Variants in MAF observed in about 807,000 individuals in gnomAD.
MAF encodes MAF bZIP transcription factor.
MAF carries 10 observed loss-of-function variants against 22.0 expected under a neutral mutation model. The observed-to-expected ratio is 0.45, with a 90% CI of 0.28 to 0.77. The LOEUF (loss-of-function observed/expected upper bound fraction) is 0.77. Ranked by LOEUF, MAF falls within the 30% of genes least tolerant of loss-of-function variation. MAF has a pLI of 0.12. For missense variants in MAF, 544 were observed against 548.4 expected (o/e 0.99, Z 0.08); for synonymous variants, 337 against 255.8 (o/e 1.32, Z -3.03).
chr16:79,426,239 G>A, the MAF span, among the ~76,000 whole-genome samples: 2 of 151,944 alleles, frequency 1.3e-5, no homozygotes, highest in Non-Finnish European at 1.5e-5. Flanking sequence ...TCTTCACTGA[G>A]GTGGAAAATA....
At chr16:79,374,133 G>T in the MAF span, among the ~76,000 whole-genome samples, 2 of 152,170 alleles carry the variant, frequency 1.3e-5, no homozygotes, top group Non-Finnish European at 2.9e-5. Context: ...AAGGTACCCT[G>T]GGGTCTTTGA....
chr16:79,252,034 GA>G, the MAF span, among the ~76,000 whole-genome samples: 1 of 152,228 alleles, frequency 6.6e-6, no homozygotes, highest in Non-Finnish European at 1.5e-5. Flanking sequence ...GCATCCTTTG[GA>G]AACCCACTGG....
chr16:79,537,464 T>C, the MAF span, among the ~76,000 whole-genome samples: 2 of 152,136 alleles, frequency 1.3e-5, no homozygotes, highest in African/African-American at 4.8e-5. Flanking sequence ...GGCATTAAGG[T>C]TGAGTGACCC....
At chr16:79,336,448 A>G in the MAF span, among the ~76,000 whole-genome samples, 1 of 152,150 alleles carries the variant, frequency 6.6e-6, no homozygotes, top group South Asian at 2.1e-4. Flanking sequence ...TAATTATTCT[A>G]TTAGCTTCTT....
chr16:79,380,954 G>C, the MAF span, among the ~76,000 whole-genome samples: 1 of 152,242 alleles, frequency 6.6e-6, no homozygotes, highest in Non-Finnish European at 1.5e-5. Context: ...GTGATAGGAA[G>C]TATCTGGGAA....
the MAF span, among the ~76,000 whole-genome samples, chr16:79,447,216 G>A: frequency 1.3e-5 from 2 of 151,764 alleles, no homozygotes; most frequent in Non-Finnish European, 2.9e-5. Context: ...TAAGAATGAT[G>A]CTAAATCTAT....
the MAF span, among the ~76,000 whole-genome samples, chr16:79,556,139 G>A: frequency 6.6e-6 from 1 of 152,074 alleles, no homozygotes; most frequent in Admixed American, 6.5e-5. Flanking sequence ...CAAAATTCCT[G>A]AAAATTTGAC....
At chr16:79,340,395 C>G in the MAF span, among the ~76,000 whole-genome samples, 45 of 151,242 alleles carry the variant, frequency 3.0e-4, no homozygotes, top group Admixed American at 5.2e-4. Flanking sequence ...ACTTTATTCT[C>G]TGCTATATTC....
chr16:79,377,663 C>T, the MAF span, among the ~76,000 whole-genome samples: 1 of 152,264 alleles, frequency 6.6e-6, no homozygotes, highest in East Asian at 1.9e-4. Flanking sequence ...GGTTTTAGGT[C>T]TAACATGTAA....
chr16:79,227,123 A>G, the MAF span, among the ~76,000 whole-genome samples: 2 of 152,100 alleles, frequency 1.3e-5, no homozygotes, highest in Non-Finnish European at 2.9e-5. Flanking sequence ...GGATCCTTTC[A>G]GTCCAGGAGT....
At chr16:79,440,357 G>C in the MAF span, among the ~76,000 whole-genome samples, 1 of 152,258 alleles carries the variant, frequency 6.6e-6, no homozygotes, top group African/African-American at 2.4e-5. Flanking sequence ...CTAGCGCACA[G>C]TAGGTACACA....
Position 79,594,207 on chromosome 16 carries a change from G to C in MAF, c.*253C>G. On this transcript the variant is annotated 3_prime_UTR_variant, in exon 2 of 2. Coordinates refer to ENST00000326043, the MANE Select transcript of MAF (RefSeq NM_005360.5). The stretch of plus-strand genomic sequence containing the variant: ...GTGAATTTTTAAAACTAGTATGGCA[G>C]GTTGAAAGCAATGCACCTGTTTACT... The C allele has an allele frequency of 2.1e-6, 1 of 473,468 alleles. No homozygotes were observed. Among genetic ancestry groups the C allele is most frequent in the Non-Finnish European group, 3.8e-6 (1 of 261,238 alleles). 29.3% of individuals were successfully genotyped at this position (473,468 alleles called of 1,614,324 possible).
chr16:79,262,854 G>A, the MAF span, among the ~76,000 whole-genome samples: 2 of 152,200 alleles, frequency 1.3e-5, no homozygotes, highest in African/African-American at 2.4e-5. Flanking sequence ...CGGTATTGAA[G>A]GGGTGCAGAA....
At chr16:79,339,810 T>C in the MAF span, among the ~76,000 whole-genome samples, 1 of 152,188 alleles carries the variant, frequency 6.6e-6, no homozygotes, top group African/African-American at 2.4e-5. Context: ...AAAGAAACTT[T>C]TAATCAGCCA....
chr16:79,372,011 G>A, the MAF span, among the ~76,000 whole-genome samples: 1 of 151,618 alleles, frequency 6.6e-6, no homozygotes, highest in African/African-American at 2.4e-5. Context: ...GGTAAGCCAT[G>A]TGGAATCACT....
At chr16:79,426,160 C>T in the MAF span, among the ~76,000 whole-genome samples, 5 of 151,410 alleles carry the variant, frequency 3.3e-5, no homozygotes, top group African/African-American at 9.7e-5. Flanking sequence ...GAGCCGAGAT[C>T]GTGCCACTGC....
the MAF span, among the ~76,000 whole-genome samples, chr16:79,246,826 GTCCA>G: frequency 1.7e-4 from 26 of 151,804 alleles, no homozygotes; most frequent in African/African-American, 3.6e-4. Context: ...GTGTCCATCT[GTCCA>G]TCCATCCATC....
At chr16:79,229,032 G>A in the MAF span, among the ~76,000 whole-genome samples, 2 of 151,920 alleles carry the variant, frequency 1.3e-5, no homozygotes, top group Admixed American at 1.3e-4. Context: ...ATACAGCACA[G>A]TAGAAAAAGC....
chr16:79,572,149 C>CTGGAGTCAAAGCAATT, the MAF span, among the ~76,000 whole-genome samples: 2 of 152,104 alleles, frequency 1.3e-5, no homozygotes, highest in East Asian at 3.9e-4. Context: ...GAGCAATTTG[C>CTGGAGTCAAAGCAATT]TGGAGTCAAA....
Sources: allele counts gnomAD v4.1 joint callset (sites outside exome capture counted in the v4.1 genomes callset), GRCh38; gene constraint gnomAD v4.1.1; transcripts MANE v1.5; gene names NCBI Gene and HGNC (gene_info 2026-07-23, HGNC 2026-07-21).